The following ZC3H12B variants were observed in gnomAD, a reference collection of about 807,000 sequenced individuals.
ZC3H12B encodes zinc finger CCCH-type containing 12B.
Under a neutral mutation model 43.9 loss-of-function variants are expected in ZC3H12B, and 7 were observed. That is an observed-to-expected ratio of 0.16 (90% CI 0.09 to 0.30). The LOEUF is 0.30. ZC3H12B is among the 10% of genes least tolerant of loss of function. ZC3H12B has a pLI of 1.00. For synonymous variants in ZC3H12B, 222 were observed against 241.7 expected (o/e 0.92, Z 0.76); for missense variants, 475 against 670.2 (o/e 0.71, Z 3.22).
chrX:65,442,372 C>T (rs955518501), intron 3 of ZC3H12B, among the ~76,000 whole-genome samples: 3 of 110,981 alleles, frequency 2.7e-5, no homozygotes, highest in African/African-American at 9.8e-5. Flanking sequence ...ACATATGGTT[C>T]TCTGGGTCCC....
the ZC3H12B span, among the ~76,000 whole-genome samples, chrX:65,324,560 T>C: frequency 2.7e-5 from 3 of 111,776 alleles, no homozygotes; most frequent in South Asian, 1.1e-3. Context: ...ATTGACTCCT[T>C]GGTTGCCCAT....
the ZC3H12B span, among the ~76,000 whole-genome samples, chrX:65,063,188 C>T: frequency 1.8e-5 from 2 of 111,545 alleles, no homozygotes; most frequent in Non-Finnish European, 3.8e-5. Flanking sequence ...TCAGAACTTC[C>T]AATAATATGT....
At chrX:65,450,125 C>A (rs779062466) in intron 3 of ZC3H12B, among the ~76,000 whole-genome samples, 1 of 107,322 alleles carries the variant, frequency 9.3e-6, no homozygotes, top group Non-Finnish European at 1.9e-5. Flanking sequence ...GCCAAGATGG[C>A]GAAACCCTGT....
At chrX:65,124,892 CTCATTAATGGTCTA>C in the ZC3H12B span, among the ~76,000 whole-genome samples, 2 of 111,248 alleles carry the variant, frequency 1.8e-5, no homozygotes, top group African/African-American at 3.3e-5. Flanking sequence ...CTTGGTTAAT[CTCATTAATGGTCTA>C]TCAATTTTTT....
the ZC3H12B span, among the ~76,000 whole-genome samples, chrX:65,045,107 G>A: frequency 4.3e-4 from 48 of 111,755 alleles, no homozygotes; most frequent in African/African-American, 1.4e-3. Context: ...TTGAGCTGTC[G>A]GTGAGTTGTA....
rs186167841 is a variant in ZC3H12B at position 65,391,245 on chromosome X, A to C, written n.296-7348A>C. Among the ~76,000 whole-genome samples, 57 of 112,190 alleles carry C rather than the reference A, an allele frequency of 5.1e-4. 1 individual carries two copies. The highest frequency in any genetic ancestry group is 1.8e-3 in the African/African-American group (56 of 30,904). ...GGTTTACAAAATCTATTTATACCTT[A>C]TTTCCCTTTTTATTTAATATACTGT... On this transcript the variant is annotated intron_variant and non_coding_transcript_variant, in intron 2 of 5. Transcript: ENST00000617377.
chrX:65,300,107 C>T, the ZC3H12B span, among the ~76,000 whole-genome samples: 2 of 112,255 alleles, frequency 1.8e-5, no homozygotes, highest in Non-Finnish European at 3.8e-5. Flanking sequence ...AGGAAACTTC[C>T]AGATGAACTT....
chrX:65,163,486 C>T, the ZC3H12B span, among the ~76,000 whole-genome samples: 1 of 111,478 alleles, frequency 9.0e-6, no homozygotes, highest in East Asian at 2.9e-4. Context: ...ATGCACCCCT[C>T]CCCCAGCCTC....
At chrX:65,176,789 A>G in the ZC3H12B span, among the ~76,000 whole-genome samples, 1 of 111,717 alleles carries the variant, frequency 9.0e-6, no homozygotes, top group Non-Finnish European at 1.9e-5. Flanking sequence ...AGGAGCTAAT[A>G]GCCTACCAAC....
At chrX:65,253,559 T>C in the ZC3H12B span, among the ~76,000 whole-genome samples, 2 of 111,859 alleles carry the variant, frequency 1.8e-5, no homozygotes, top group South Asian at 3.7e-4. Flanking sequence ...ACTTTAGCAT[T>C]AGGGGAATTG....
chrX:65,407,788 C>A (rs1602393756), intron 3 of ZC3H12B, among the ~76,000 whole-genome samples: 1 of 113,468 alleles, frequency 8.8e-6, no homozygotes, highest in Non-Finnish European at 1.9e-5. Context: ...GCACTGCCCC[C>A]GCGCACAGTC....
intron 3 of ZC3H12B, among the ~76,000 whole-genome samples, chrX:65,458,882 A>G (rs1473970071): frequency 4.5e-5 from 5 of 111,732 alleles, no homozygotes; most frequent in African/African-American, 1.6e-4. Context: ...AAGGAAATAG[A>G]GACACAAAAA....
At chrX:65,143,589 G>A in the ZC3H12B span, among the ~76,000 whole-genome samples, 2 of 106,085 alleles carry the variant, frequency 1.9e-5, no homozygotes, top group South Asian at 4.4e-4. Flanking sequence ...TGGAGATGGA[G>A]TCTCCCTCTG....
the ZC3H12B span, among the ~76,000 whole-genome samples, chrX:65,184,418 G>A: frequency 9.0e-6 from 1 of 111,115 alleles, no homozygotes; most frequent in African/African-American, 3.3e-5. Flanking sequence ...GCAGATGGAT[G>A]AGCAGAACTC....
the ZC3H12B span, among the ~76,000 whole-genome samples, chrX:65,313,311 A>G: frequency 1.4e-4 from 16 of 112,329 alleles, no homozygotes; most frequent in Admixed American, 6.6e-4. Flanking sequence ...GTGTAAAATT[A>G]TGGGAGAATT....
chrX:65,364,037 C>T (rs2066140200), upstream of ZC3H12B, among the ~76,000 whole-genome samples: 1 of 111,147 alleles, frequency 9.0e-6, no homozygotes, highest in African/African-American at 3.3e-5. Context: ...GCATTCACTC[C>T]ATTTCCCCAT....
the ZC3H12B span, among the ~76,000 whole-genome samples, chrX:65,227,790 G>T: frequency 9.0e-6 from 1 of 111,216 alleles, no homozygotes. Flanking sequence ...TAGAAGAAAT[G>T]GATAAATTCC....
the ZC3H12B span, among the ~76,000 whole-genome samples, chrX:65,140,606 T>TA: frequency 8.9e-6 from 1 of 111,936 alleles, no homozygotes; most frequent in East Asian, 2.8e-4. Flanking sequence ...GCTTTGGTAT[T>TA]ACGTCTTCAA....
chrX:65,064,687 G>A, the ZC3H12B span, among the ~76,000 whole-genome samples: 27 of 111,415 alleles, frequency 2.4e-4, no homozygotes, highest in Admixed American at 2.5e-3. Context: ...GTTCAAGTCC[G>A]AAATCTCCTT....
Sources: gnomAD v4.1 joint callset for allele counts (sites outside exome capture counted in the v4.1 genomes callset) on GRCh38, gnomAD v4.1.1 for gene constraint, MANE v1.5 for transcripts, NCBI Gene and HGNC (gene_info 2026-07-23, HGNC 2026-07-21) for gene names.